Variants in SBF2 observed in about 807,000 individuals in gnomAD.
SBF2 encodes the protein myotubularin-related protein 13.
SBF2 carries 112 observed loss-of-function variants against 225.2 expected under a neutral mutation model. The ratio of observed to expected loss-of-function variants is 0.50; its 90% CI spans 0.43 to 0.58. The LOEUF (loss-of-function observed/expected upper bound fraction) is 0.58, where lower values mean the gene tolerates loss of function less well. Ranked by LOEUF, SBF2 falls within the 20% of genes least tolerant of loss-of-function variation. The pLI, the probability that SBF2 is intolerant of heterozygous loss-of-function variation, is 0.00. For synonymous variants in SBF2, 763 were observed against 773.3 expected (o/e 0.99, Z 0.22); for missense variants, 1,996 against 2,206.2 (o/e 0.90, Z 1.91).
At chr11:9,806,237 G>A (rs1249544156) in intron 32 of SBF2, among the ~76,000 whole-genome samples, 2 of 152,206 alleles carry the variant, frequency 1.3e-5, no homozygotes, top group African/African-American at 4.8e-5. Context: ...GTCAGCAAAA[G>A]ATTCAAAGAA....
At chr11:9,893,859 A>G (rs1016375310) in intron 17 of SBF2, among the ~76,000 whole-genome samples, 1 of 152,222 alleles carries the variant, frequency 6.6e-6, no homozygotes, top group Non-Finnish European at 1.5e-5. Flanking sequence ...CCCTAGAGGT[A>G]GTAGTTGCTC....
At chr11:10,196,402 C>T (rs1056374465) in intron 1 of SBF2, among the ~76,000 whole-genome samples, 1 of 152,042 alleles carries the variant, frequency 6.6e-6, no homozygotes, top group Non-Finnish European at 1.5e-5. Context: ...ATTTTTTGGA[C>T]AGGGTCTCAC....
rs535935692 is a variant in SBF2, at chr11:9,994,610, G to GA, written c.976-613dup. ...TATATATATGAAAATGAAAAGTTCT[G>GA]AAAAAAATACACTAAACTATAAAAT... On this transcript the variant is annotated intron_variant, in intron 9 of 39. Coordinates refer to ENST00000256190, the MANE Select transcript of SBF2 (RefSeq NM_030962.4). 3.8e-4 allele frequency among the ~76,000 whole-genome samples: 49 copies of GA among 128,268 alleles called. No homozygotes were observed. In the South Asian group the frequency reaches 0.011, roughly 28 times the overall value. 84.1% of individuals were successfully genotyped at this position (128,268 alleles called of 152,430 possible).
chr11:10,273,415 T>G (rs2135542467), intron 1 of SBF2, among the ~76,000 whole-genome samples: 1 of 152,290 alleles, frequency 6.6e-6, no homozygotes, highest in East Asian at 1.9e-4. Context: ...CAGATTAAAA[T>G]CAAACAGAAA....
At chr11:9,958,788 A>G (rs573591004) in intron 16 of SBF2, 42 of 511,516 alleles carry the variant, frequency 8.2e-5, no homozygotes, top group African/African-American at 7.9e-4. Flanking sequence ...AGACACGGGC[A>G]GATGAGGGCT....
At chr11:9,814,378 G>A (rs894410088) in intron 29 of SBF2, among the ~76,000 whole-genome samples, 1 of 152,072 alleles carries the variant, frequency 6.6e-6, no homozygotes, top group Non-Finnish European at 1.5e-5. Flanking sequence ...ACTTAGAAAT[G>A]GTTAAGATGG....
chr11:9,979,886 T>C (rs1464599648), intron 13 of SBF2, among the ~76,000 whole-genome samples: 1 of 151,396 alleles, frequency 6.6e-6, no homozygotes, highest in East Asian at 1.9e-4. Context: ...CATAGCTTAC[T>C]GCAGCCTCAA....
chr11:10,064,153 T>C (rs1950553534), intron 2 of SBF2, among the ~76,000 whole-genome samples: 1 of 152,204 alleles, frequency 6.6e-6, no homozygotes, highest in East Asian at 1.9e-4. Flanking sequence ...GTTTATAGCA[T>C]ATATAAAACT....
Position 9,932,957 on chromosome 11 carries a change from C to CAAAAAAAAAA in SBF2, c.1860+28990_1860+28999dup, listed in dbSNP as rs574177096. Among the ~76,000 whole-genome samples the CAAAAAAAAAA allele has an allele frequency of 2.2e-4, 13 of 58,774 alleles. 1 individual carries two copies. In the East Asian group the frequency reaches 7.1e-3, roughly 32 times the overall value. The allele number at this position is 58,774 out of a possible 152,430, so 38.6% of individuals were successfully genotyped here. On this transcript the variant is annotated intron_variant, in intron 16 of 39. Transcript: ENST00000256190. ...GGAGATCTACCAAGCAAACGAAAAG[C>CAAAAAAAAAA]AAAAAAAAAAAAAAAAAAAAAAAAA... is the stretch of plus-strand genomic sequence containing the variant.
At chr11:10,227,675 G>A (rs1337377424) in intron 1 of SBF2, among the ~76,000 whole-genome samples, 7 of 152,046 alleles carry the variant, frequency 4.6e-5, no homozygotes, top group South Asian at 4.2e-4. Flanking sequence ...TGTTCCATTG[G>A]TCTATATATC....
intron 2 of SBF2, among the ~76,000 whole-genome samples, chr11:10,072,126 C>A (rs2042141607): frequency 6.6e-6 from 1 of 152,158 alleles, no homozygotes; most frequent in African/African-American, 2.4e-5. Flanking sequence ...TACAATGAAA[C>A]CCATTTACCC....
chr11:10,003,282 T>C (rs1185201674), intron 6 of SBF2, among the ~76,000 whole-genome samples: 2 of 152,238 alleles, frequency 1.3e-5, no homozygotes, highest in Non-Finnish European at 2.9e-5. Context: ...TTTCATTTAA[T>C]CCATCTATAC....
At chr11:10,223,664 T>C (rs1958434360) in intron 1 of SBF2, among the ~76,000 whole-genome samples, 1 of 151,902 alleles carries the variant, frequency 6.6e-6, no homozygotes, top group Non-Finnish European at 1.5e-5. Context: ...GGCATGACTT[T>C]TGTCTGTTTC....
At chr11:10,063,951 G>A (rs938518729) in intron 2 of SBF2, among the ~76,000 whole-genome samples, 1 of 151,734 alleles carries the variant, frequency 6.6e-6, no homozygotes, top group Non-Finnish European at 1.5e-5. Context: ...CAGGAATTAA[G>A]GCGTCGGGGG....
chr11:10,150,952 T>C (rs1388323182), intron 2 of SBF2, among the ~76,000 whole-genome samples: 1 of 152,154 alleles, frequency 6.6e-6, no homozygotes, highest in Non-Finnish European at 1.5e-5. Context: ...TAATCACATA[T>C]GACTTAAACC....
At chr11:9,885,522 A>C (rs1860219223) in intron 17 of SBF2, among the ~76,000 whole-genome samples, 1 of 152,142 alleles carries the variant, frequency 6.6e-6, no homozygotes, top group African/African-American at 2.4e-5. Flanking sequence ...ACAAGACATA[A>C]GACAGTGGGT....
chr11:10,220,159 G>C (rs910155278), intron 1 of SBF2, among the ~76,000 whole-genome samples: 4 of 152,214 alleles, frequency 2.6e-5, no homozygotes, highest in African/African-American at 9.6e-5. Context: ...GCAAGGCAAA[G>C]GAGATGCAAA....
chr11:9,955,576 T>C (rs1275855198), intron 16 of SBF2, among the ~76,000 whole-genome samples: 1 of 152,064 alleles, frequency 6.6e-6, no homozygotes, highest in Non-Finnish European at 1.5e-5. Context: ...CTAAAGAATG[T>C]ATATCCAGTA....
rs56872212 is a variant in SBF2, at chr11:9,934,081, A to AAAATAAATAAAT, written c.1860+27864_1860+27875dup. Among the ~76,000 whole-genome samples the AAAATAAATAAAT allele has an allele frequency of 3.8e-3, 574 of 150,562 alleles. 3 individuals are homozygous for AAAATAAATAAAT. Among genetic ancestry groups the AAAATAAATAAAT allele is most frequent in the South Asian group, 5.2e-3 (25 of 4,772 alleles). ...TGGGTGACAGAGCGAGACTGTCTCA[A>AAAATAAATAAAT]AAATAAATAAATAAAAATAAAACAT... On this transcript the variant is annotated intron_variant, in intron 16 of 39. Transcript: ENST00000256190.
Sources: gnomAD v4.1 joint callset for allele counts (sites outside exome capture counted in the v4.1 genomes callset) on GRCh38, gnomAD v4.1.1 for gene constraint, MANE v1.5 for transcripts, NCBI Gene and HGNC (gene_info 2026-07-23, HGNC 2026-07-21) for gene names.